Variants in HDAC9 observed in about 807,000 individuals in gnomAD.
HDAC9 encodes the protein histone deacetylase 9.
A neutral mutation model predicts 139.4 loss-of-function variants in HDAC9; 41 were observed. That is an observed-to-expected ratio of 0.29 (90% confidence interval 0.23 to 0.38). HDAC9 has a LOEUF of 0.38. Among genes scored for constraint, HDAC9 ranks in the 10% least tolerant of loss-of-function variants. HDAC9 has a pLI of 1.00. For synonymous variants in HDAC9, 517 were observed against 476.2 expected (o/e 1.09, Z -1.12); for missense variants, 1,147 against 1,297.0 (o/e 0.88, Z 1.78).
chr7:18,477,759 A>G (rs1348813055), intron 1 of HDAC9, among the ~76,000 whole-genome samples: 1 of 152,214 alleles, frequency 6.6e-6, no homozygotes, highest in Non-Finnish European at 1.5e-5. Flanking sequence ...ACATGCGTTC[A>G]TGAAAATCAA....
intron 24 of HDAC9, among the ~76,000 whole-genome samples, chr7:18,961,582 C>T (rs566443977): frequency 3.3e-5 from 5 of 152,190 alleles, no homozygotes; most frequent in Admixed American, 1.3e-4. Flanking sequence ...ATTGAAGTTA[C>T]GGAGGAACAT....
chr7:18,132,118 A>C (rs1785052725), intron 1 of HDAC9, among the ~76,000 whole-genome samples: 1 of 152,046 alleles, frequency 6.6e-6, no homozygotes, highest in Non-Finnish European at 1.5e-5. Flanking sequence ...GTGTTCATTT[A>C]CTTCCCTCCC....
At chr7:18,157,670 G>A (rs1456087187) in intron 1 of HDAC9, among the ~76,000 whole-genome samples, 1 of 152,182 alleles carries the variant, frequency 6.6e-6, no homozygotes, top group Non-Finnish European at 1.5e-5. Context: ...TAGAATCTAA[G>A]GTTTCCATAT....
At chr7:18,706,365 A>C (rs1783920321) in intron 12 of HDAC9, among the ~76,000 whole-genome samples, 2 of 152,106 alleles carry the variant, frequency 1.3e-5, no homozygotes, top group South Asian at 2.1e-4. Flanking sequence ...GGATCAAGGA[A>C]ATTTGTTAGT....
intron 22 of HDAC9, among the ~76,000 whole-genome samples, chr7:18,898,989 G>A (rs1049533886): frequency 2.6e-5 from 4 of 151,880 alleles, no homozygotes; most frequent in African/African-American, 9.7e-5. Context: ...ATTCTGTTAC[G>A]CTTATGCTAC....
At chr7:18,421,030 G>C (rs1003067973) in intron 1 of HDAC9, among the ~76,000 whole-genome samples, 1 of 152,170 alleles carries the variant, frequency 6.6e-6, no homozygotes, top group African/African-American at 2.4e-5. Flanking sequence ...CTTGTACCTT[G>C]ATTTGCTTTC....
chr7:18,937,055 T>TC (rs1484448624), intron 23 of HDAC9, among the ~76,000 whole-genome samples: 10 of 127,666 alleles, frequency 7.8e-5, no homozygotes, highest in Admixed American at 1.6e-4. Flanking sequence ...TTTTTTTTTT[T>TC]CTGAGATAGA....
At chr7:18,501,395 T>TA (rs1393789693) in intron 2 of HDAC9, among the ~76,000 whole-genome samples, 2 of 151,652 alleles carry the variant, frequency 1.3e-5, no homozygotes, top group Non-Finnish European at 2.9e-5. Context: ...AACACATACT[T>TA]AAAAAAAAGA....
chr7:18,869,169 TG>T (rs2129241105), intron 21 of HDAC9, among the ~76,000 whole-genome samples: 1 of 151,444 alleles, frequency 6.6e-6, no homozygotes, highest in East Asian at 2.0e-4. Flanking sequence ...TGTGTGTGTG[TG>T]TGTGTGTGTG....
intron 2 of HDAC9, among the ~76,000 whole-genome samples, chr7:18,213,309 C>A (rs1792079056): frequency 1.3e-5 from 2 of 152,092 alleles, no homozygotes; most frequent in Admixed American, 1.3e-4. Context: ...TTTCTCCTTA[C>A]AACCTCATGT....
At chr7:18,429,113 CTTG>C (rs987805814) in intron 1 of HDAC9, 4 of 152,274 alleles carry the variant, frequency 2.6e-5, no homozygotes, top group African/African-American at 9.6e-5. Flanking sequence ...ACTAGCAAGG[CTTG>C]TTGTTTTGTT....
intron 24 of HDAC9, among the ~76,000 whole-genome samples, chr7:18,957,371 G>T (rs1442201971): frequency 1.3e-5 from 2 of 152,148 alleles, no homozygotes; most frequent in East Asian, 3.9e-4. Flanking sequence ...ATAATGGCTT[G>T]GGAAATTAAA....
intron 1 of HDAC9, among the ~76,000 whole-genome samples, chr7:18,473,001 C>G (rs942234332): frequency 1.3e-5 from 2 of 152,132 alleles, no homozygotes; most frequent in African/African-American, 4.8e-5. Context: ...GCACAGCAAT[C>G]CAGATAGACT....
chr7:18,583,531 C>T (rs886885858), intron 2 of HDAC9, among the ~76,000 whole-genome samples: 5 of 150,926 alleles, frequency 3.3e-5, no homozygotes, highest in South Asian at 2.1e-4. Flanking sequence ...CCAGCCTTCG[C>T]GACATAGCAA....
At chr7:18,986,997 A>AT (rs1252647891) in intron 25 of HDAC9, among the ~76,000 whole-genome samples, 1 of 152,212 alleles carries the variant, frequency 6.6e-6, no homozygotes, top group Non-Finnish European at 1.5e-5. Flanking sequence ...TAGATATACA[A>AT]TCATGTCATC....
At chr7:18,926,347 C>CAA (rs1339041410) in intron 22 of HDAC9, among the ~76,000 whole-genome samples, 1 of 151,892 alleles carries the variant, frequency 6.6e-6, no homozygotes, top group Non-Finnish European at 1.5e-5. Flanking sequence ...ACTTCATCTC[C>CAA]AAAAAAATGT....
intron 2 of HDAC9, among the ~76,000 whole-genome samples, chr7:18,167,082 C>T (rs572357591): frequency 6.6e-6 from 1 of 152,262 alleles, no homozygotes; most frequent in East Asian, 1.9e-4. Flanking sequence ...AAAATTATTC[C>T]AGGATAATAA....
chr7:18,116,370 C>T (rs1239333778), intron 1 of HDAC9, among the ~76,000 whole-genome samples: 1 of 152,088 alleles, frequency 6.6e-6, no homozygotes, highest in Non-Finnish European at 1.5e-5. Flanking sequence ...ATAAAGTGAT[C>T]AATTTATCTG....
chr7:18,769,132 C>T (rs1466587179), intron 16 of HDAC9, among the ~76,000 whole-genome samples: 1 of 152,152 alleles, frequency 6.6e-6, no homozygotes, highest in African/African-American at 2.4e-5. Context: ...TAATGTATGA[C>T]TCAGGACTGA....
Sources: allele counts gnomAD v4.1 joint callset (sites outside exome capture counted in the v4.1 genomes callset), GRCh38; gene constraint gnomAD v4.1.1; transcripts MANE v1.5; gene names NCBI Gene and HGNC (gene_info 2026-07-23, HGNC 2026-07-21).